The following ABCC8 variants were observed in gnomAD, a reference collection of about 807,000 sequenced individuals.
The protein encoded by ABCC8 is ATP binding cassette subfamily C member 8, also known as ATP-binding cassette sub-family C member 8.
A neutral mutation model predicts 188.0 loss-of-function variants in ABCC8; 137 were observed. The ratio of observed to expected loss-of-function variants is 0.73; its 90% CI spans 0.63 to 0.84. ABCC8 has a LOEUF of 0.84. ABCC8 is among the 40% of genes least tolerant of loss of function. The pLI, the probability that ABCC8 is intolerant of heterozygous loss-of-function variation, is 0.00. For missense variants in ABCC8, 1,750 were observed against 2,072.7 expected, an observed-to-expected ratio of 0.84 and a Z score of 3.02; for synonymous variants, 797 against 846.5, an observed-to-expected ratio of 0.94 and a Z score of 1.01.
chr11:17,414,688 A>G, intron 18 of ABCC8, 78 bp from the exon 19 acceptor site: 1 of 1,600,436 alleles, frequency 6.2e-7, no homozygotes, highest in Non-Finnish European at 8.5e-7. Flanking sequence ...TGTCAAGCTG[A>G]TGGCTCAGAT....
At chr11:17,451,097 C>T (rs937704931) in intron 7 of ABCC8, among the ~76,000 whole-genome samples, 7 of 152,188 alleles carry the variant, frequency 4.6e-5, no homozygotes, top group Non-Finnish European at 1.0e-4. Flanking sequence ...CGATTATATG[C>T]TAACCATTAA....
intron 16 of ABCC8, 55 bp from the exon 17 acceptor site, chr11:17,417,017 T>C: frequency 6.2e-7 from 1 of 1,612,486 alleles, no homozygotes; most frequent in Non-Finnish European, 8.5e-7. Flanking sequence ...CCCCATTGCC[T>C]TTCCATCACG....
At chr11:17,402,609 C>T in intron 29 of ABCC8, 52 bp downstream of exon 29, 1 of 1,614,112 alleles carries the variant, frequency 6.2e-7, no homozygotes. Context: ...GGCCTGTGCC[C>T]CCTGGCCCCA....
intron 10 of ABCC8, among the ~76,000 whole-genome samples, chr11:17,433,944 C>G (rs1051900486): frequency 6.6e-6 from 1 of 152,168 alleles, no homozygotes; most frequent in African/African-American, 2.4e-5. Context: ...CCGTTTCCGG[C>G]AGGAAACAGC....
Position 17,460,506 on chromosome 11 carries a change from G to T in ABCC8, c.993C>A (p.Asn331Lys). 6.2e-7 allele frequency: 1 copy of T among 1,614,144 alleles called. No individual in the cohort carries two copies. The highest frequency in any genetic ancestry group is 8.5e-7 in the Non-Finnish European group (1 of 1,180,028). ...TGCCTACCTTGGGCTGGAAGACGTC[G>T]TTCTCCTTCCCAAGGTGGTCCACGA... Reference protein sequence around the residue: ...FGIVDHLGKENDVFQPKTQFL... With the variant: ...FGIVDHLGKEKDVFQPKTQFL... Residue 331 changes from asparagine to lysine, a missense_variant, in exon 6 of 39, where the codon AAC becomes AAA. By Grantham distance (94) the Asn-to-Lys change is moderately conservative. Transcript: ENST00000389817.
intron 7 of ABCC8, 64 bp downstream of exon 7, chr11:17,453,055 A>ATC: frequency 2.2e-6 from 3 of 1,343,660 alleles, no homozygotes; most frequent in Non-Finnish European, 3.2e-6. Context: ...GATGAATAAC[A>ATC]CTCATGGACA....
intron 17 of ABCC8, among the ~76,000 whole-genome samples, chr11:17,415,749 G>A (rs922334199): frequency 6.6e-6 from 1 of 152,244 alleles, no homozygotes; most frequent in African/African-American, 2.4e-5. Flanking sequence ...GGCAAGGAGT[G>A]CTCTGGACAG....
At chr11:17,447,625 G>A (rs116258472) in intron 8 of ABCC8, among the ~76,000 whole-genome samples, 109 of 152,146 alleles carry the variant, frequency 7.2e-4, no homozygotes, top group African/African-American at 2.5e-3. Context: ...TTTGAGACAA[G>A]GTGTCACTCT....
intron 17 of ABCC8, among the ~76,000 whole-genome samples, chr11:17,415,817 G>T (rs576220686): frequency 1.3e-5 from 2 of 152,214 alleles, no homozygotes; most frequent in East Asian, 1.9e-4. Context: ...CTGGGAACCC[G>T]CAGCCCTGGA....
chr11:17,474,921 C>T lies in ABCC8; in HGVS notation c.255G>A (p.Leu85=), dbSNP rs1323334420. 1.1e-5 allele frequency: 17 copies of T among 1,614,068 alleles called. No individual in the cohort carries two copies. The highest frequency in any genetic ancestry group is 1.6e-4 in the Middle Eastern group (1 of 6,084). Residue 85 remains leucine (L), a synonymous_variant, in exon 2 of 39, where the codon CTG becomes CTA. Transcript: ENST00000389817. Reference sequence around the variant, plus strand: ...GGATGCCCTCTGCAATCTCACACACCAGGACGAAGAGCAGCATGAAGGTCA... The same window carrying T: ...GGATGCCCTCTGCAATCTCACACACTAGGACGAAGAGCAGCATGAAGGTCA... ...WILTFMLLFV[L]VCEIAEGILS...
chr11:17,453,567 T>C (rs1411042638), intron 6 of ABCC8, among the ~76,000 whole-genome samples: 1 of 152,132 alleles, frequency 6.6e-6, no homozygotes, highest in African/African-American at 2.4e-5. Flanking sequence ...CTCTTAGCAT[T>C]GTGGCCACAG....
At chr11:17,474,289 C>T (rs1224688945) in intron 2 of ABCC8, among the ~76,000 whole-genome samples, 1 of 152,208 alleles carries the variant, frequency 6.6e-6, no homozygotes, top group Non-Finnish European at 1.5e-5. Context: ...GATTCTAACT[C>T]TTAGGCCTTT....
At chr11:17,458,978 G>A (rs1222519087) in intron 6 of ABCC8, among the ~76,000 whole-genome samples, 1 of 152,170 alleles carries the variant, frequency 6.6e-6, no homozygotes, top group African/African-American at 2.4e-5. Flanking sequence ...AATCCTTGGA[G>A]CCAGAGGTGA....
intron 2 of ABCC8, 112 bp from the exon 3 acceptor site, chr11:17,470,334 A>G (rs1848413739): frequency 6.4e-7 from 1 of 1,562,250 alleles, no homozygotes; most frequent in African/African-American, 1.4e-5. Context: ...GCATCACTTT[A>G]TAGGCTGCAG....
chr11:17,443,456 G>T, intron 8 of ABCC8, 144 bp from the exon 9 acceptor site: 2 of 1,390,670 alleles, frequency 1.4e-6, no homozygotes, highest in Non-Finnish European at 2.0e-6. Context: ...GGAGTGGAGT[G>T]CAGGGAAGGA....
chr11:17,434,834 T>TTCTGGCTG (rs1396278462), intron 10 of ABCC8, among the ~76,000 whole-genome samples: 2 of 152,202 alleles, frequency 1.3e-5, no homozygotes, highest in Non-Finnish European at 2.9e-5. Flanking sequence ...TTCTGCCCAG[T>TTCTGGCTG]TCTGGCTGTT....
At chr11:17,402,783 A>C in intron 28 of ABCC8, 30 bp from the exon 29 acceptor site, 1 of 1,613,952 alleles carries the variant, frequency 6.2e-7, no homozygotes, top group Non-Finnish European at 8.5e-7. Flanking sequence ...GGAACAGTTA[A>C]GAGGGCAGGC....
intron 7 of ABCC8, among the ~76,000 whole-genome samples, chr11:17,452,758 C>G (rs1028320854): frequency 6.6e-6 from 1 of 152,218 alleles, no homozygotes; most frequent in African/African-American, 2.4e-5. Flanking sequence ...TAGCAGAACT[C>G]TGGAACAGCC....
At chr11:17,432,839 C>T (rs1056544817) in intron 10 of ABCC8, among the ~76,000 whole-genome samples, 1 of 152,156 alleles carries the variant, frequency 6.6e-6, no homozygotes. Flanking sequence ...GCCTTTAGAT[C>T]AGTCACAGGG....
Sources: allele counts gnomAD v4.1 joint callset (sites outside exome capture counted in the v4.1 genomes callset), GRCh38; gene constraint gnomAD v4.1.1; transcripts MANE v1.5; gene names NCBI Gene and HGNC (gene_info 2026-07-23, HGNC 2026-07-21).